Variants in PPIG observed in about 807,000 individuals in gnomAD.
PPIG encodes peptidyl-prolyl cis-trans isomerase G.
Under a neutral mutation model 87.9 loss-of-function variants are expected in PPIG, and 26 were observed. The observed-to-expected ratio is 0.30, with a 90% CI of 0.22 to 0.41. The LOEUF (loss-of-function observed/expected upper bound fraction) is 0.41, where lower values mean the gene tolerates loss of function less well. PPIG is among the 10% of genes least tolerant of loss of function. The pLI is 1.00. For synonymous variants in PPIG, 308 were observed against 276.5 expected (o/e 1.11, Z -1.13); for missense variants, 722 against 879.4 (o/e 0.82, Z 2.26).
intron 12 of PPIG, among the ~76,000 whole-genome samples, chr2:169,634,842 A>T (rs1686143096): frequency 2.0e-5 from 3 of 152,136 alleles, no homozygotes; most frequent in Admixed American, 2.0e-4. Flanking sequence ...GATAGTTCTC[A>T]ATTTTTTTAA....
intron 5 of PPIG, among the ~76,000 whole-genome samples, chr2:169,606,483 T>G (rs1243764012): frequency 6.6e-6 from 1 of 151,010 alleles, no homozygotes; most frequent in East Asian, 1.9e-4. Context: ...TCCCAGCTAC[T>G]TGAGAGGCTG....
chr2:169,596,726 G>A (rs1408389655), intron 1 of PPIG, among the ~76,000 whole-genome samples: 4 of 152,028 alleles, frequency 2.6e-5, no homozygotes, highest in African/African-American at 9.7e-5. Context: ...CTGAGACGGA[G>A]TCTTACTCTG....
At chr2:169,595,174 C>T (rs879354895) in intron 1 of PPIG, among the ~76,000 whole-genome samples, 29 of 152,282 alleles carry the variant, frequency 1.9e-4, no homozygotes, top group Non-Finnish European at 3.2e-4. Flanking sequence ...GTGGTCCACC[C>T]GCCTCAGAGT....
chr2:169,622,050 C>T (rs187903904), intron 9 of PPIG, among the ~76,000 whole-genome samples: 14 of 152,056 alleles, frequency 9.2e-5, no homozygotes, highest in Admixed American at 9.2e-4. Context: ...ACAACAAGGC[C>T]CCATCTCTAA....
In PPIG at chr2:169,592,316, T is replaced by TA. The variant is rs1182770828; in HGVS notation, c.-70+7826_-70+7827insA. On this transcript the variant is annotated intron_variant, in intron 1 of 13. Coordinates refer to ENST00000260970, the MANE Select transcript of PPIG (RefSeq NM_004792.3). ...GATGTCTTTTTTCTTTTTTTTTTTT[T>TA]TTTTTTGAGATGGAGTCTCGCTCTG... Among the ~76,000 whole-genome samples the TA allele has an allele frequency of 3.7e-3, 523 of 141,216 alleles. 7 individuals are homozygous for TA. Among genetic ancestry groups the TA allele is most frequent in the African/African-American group, 0.013 (493 of 38,042 alleles). 92.6% of individuals were successfully genotyped at this position (141,216 alleles called of 152,430 possible).
At position 169,630,761 on chromosome 2, in the gene PPIG, G is replaced by T; in HGVS notation, c.548-13G>T. The stretch of plus-strand genomic sequence containing the variant: ...AAAAATTGTTGATCAAAACCTTTTT[G>T]TTTTTATTAAAGTTAAGAAAGAAGA... On this transcript the variant is annotated splice_polypyrimidine_tract_variant and intron_variant, in intron 9 of 13. Coordinates refer to ENST00000260970, the MANE Select transcript of PPIG (RefSeq NM_004792.3). 6.3e-7 allele frequency: 1 copy of T among 1,576,302 alleles called. No homozygotes were observed. The highest frequency in any genetic ancestry group is 2.0e-5 in the Admixed American group (1 of 49,038).
intron 12 of PPIG, 36 bp from the exon 13 acceptor site, chr2:169,636,056 T>C (rs746624722): frequency 6.5e-7 from 1 of 1,538,242 alleles, no homozygotes. Flanking sequence ...TCTATACTTC[T>C]ATACATTAAT....
Position 169,604,070 on chromosome 2 carries a change from GT to G in PPIG, c.36del (p.Phe12LeufsTer115). On this transcript the variant is annotated frameshift_variant, in exon 3 of 14. Transcript: ENST00000260970. LOFTEE classifies it high-confidence loss of function. ...GGAATAAAGGTTCAACGTCCTCGAT[GT>G]TTTTTTGACATTGCCATTAACAATC... MGIKVQRPRCFFDIAINNQP... is the reference protein window; with the variant it reads MGIKVQRPRXFFDIAINNQP... 6.2e-7 allele frequency: 1 copy of G among 1,613,710 alleles called. No homozygotes were observed.
Position 169,637,634 on chromosome 2 carries a change from G to A in PPIG, c.*111G>A, listed in dbSNP as rs552844618. ...TTTCATTGTTTTTGGATTGTTTTAT[G>A]TTTGTCCTTTTTTTTCTTAATGTGG... On this transcript the variant is annotated 3_prime_UTR_variant, in exon 14 of 14. Transcript: ENST00000260970. 5.1e-6 allele frequency: 6 copies of A among 1,176,510 alleles called. No homozygotes were observed. The African/African-American group carries it at 9.4e-5, about 18-fold the overall frequency. The allele number at this position is 1,176,510 out of a possible 1,614,324, so 72.9% of individuals were successfully genotyped here.
At chr2:169,620,854 T>G (rs190799245) in intron 9 of PPIG, among the ~76,000 whole-genome samples, 4 of 152,264 alleles carry the variant, frequency 2.6e-5, no homozygotes, top group Admixed American at 6.5e-5. Context: ...CCTTCAAACC[T>G]GTATAGAAAG....
At chr2:169,595,162 AG>A (rs1219495727) in intron 1 of PPIG, among the ~76,000 whole-genome samples, 1 of 152,070 alleles carries the variant, frequency 6.6e-6, no homozygotes, top group Non-Finnish European at 1.5e-5. Context: ...TCTTGACCTC[AG>A]GTGGTCCACC....
intron 9 of PPIG, among the ~76,000 whole-genome samples, chr2:169,624,781 G>A (rs1313768365): frequency 6.6e-6 from 1 of 151,932 alleles, no homozygotes; most frequent in East Asian, 1.9e-4. Flanking sequence ...TAGTAGAGAT[G>A]GGGTTTCACC....
chr2:169,624,888 C>T (rs1298053020), intron 9 of PPIG, among the ~76,000 whole-genome samples: 2 of 152,162 alleles, frequency 1.3e-5, no homozygotes, highest in African/African-American at 4.8e-5. Context: ...CCGCGCCCAG[C>T]CGGAAGTAGG....
chr2:169,618,403 G>T (rs577769244), intron 9 of PPIG, among the ~76,000 whole-genome samples: 5 of 152,060 alleles, frequency 3.3e-5, no homozygotes, highest in Non-Finnish European at 5.9e-5. Flanking sequence ...TTTTTCTATT[G>T]TTTGGAATAG....
intron 12 of PPIG, among the ~76,000 whole-genome samples, chr2:169,635,318 G>A (rs1686153498): frequency 6.6e-6 from 1 of 152,126 alleles, no homozygotes; most frequent in Non-Finnish European, 1.5e-5. Flanking sequence ...TCAATGTTAT[G>A]TAGTACTACT....
chr2:169,595,869 T>A (rs776776737), intron 1 of PPIG, among the ~76,000 whole-genome samples: 134 of 152,206 alleles, frequency 8.8e-4, no homozygotes, highest in Non-Finnish European at 1.5e-3. Context: ...AGTGGCGCGA[T>A]CTTGGCTCAC....
intron 7 of PPIG, among the ~76,000 whole-genome samples, chr2:169,612,617 C>T (rs1685520442): frequency 6.6e-6 from 1 of 151,960 alleles, no homozygotes; most frequent in African/African-American, 2.4e-5. Context: ...CTCCTGACCC[C>T]ATGATCCACC....
intron 7 of PPIG, among the ~76,000 whole-genome samples, chr2:169,609,591 A>T (rs1011737418): frequency 6.6e-6 from 1 of 152,198 alleles, no homozygotes. Context: ...CACTAGCCAA[A>T]TTAGGATAAT....
intron 4 of PPIG, among the ~76,000 whole-genome samples, chr2:169,604,646 G>A (rs963402830): frequency 6.6e-6 from 1 of 151,352 alleles, no homozygotes; most frequent in Non-Finnish European, 1.5e-5. Context: ...GAGGCCGAGG[G>A]GGGTGGCTCA....
Sources: gnomAD v4.1 joint callset for allele counts (sites outside exome capture counted in the v4.1 genomes callset) on GRCh38, gnomAD v4.1.1 for gene constraint, MANE v1.5 for transcripts, NCBI Gene and HGNC (gene_info 2026-07-23, HGNC 2026-07-21) for gene names.